The following ABCC12 variants were observed in gnomAD, a reference collection of about 807,000 sequenced individuals.
The protein encoded by ABCC12 is ATP-binding cassette sub-family C member 12.
Under a neutral mutation model 151.1 loss-of-function variants are expected in ABCC12, and 142 were observed. The observed-to-expected ratio is 0.94, with a 90% CI of 0.82 to 1.08. The LOEUF (loss-of-function observed/expected upper bound fraction) is 1.08, where lower values mean the gene tolerates loss of function less well. Among genes scored for constraint, ABCC12 ranks in the 50% least tolerant of loss-of-function variants. ABCC12 has a pLI of 0.00. For missense variants in ABCC12, 1,638 were observed against 1,691.1 expected (o/e 0.97, Z 0.55); for synonymous variants, 645 against 646.4 (o/e 1.00, Z 0.03).
chr16:48,084,025 T>C lies in ABCC12; in HGVS notation c.3877A>G (p.Thr1293Ala). 1.2e-6 allele frequency: 2 copies of C among 1,612,524 alleles called. No homozygotes were observed. The highest frequency in any genetic ancestry group is 1.7e-6 in the Non-Finnish European group (2 of 1,179,654). The change falls in exon 30 of 31, where the codon ACC (threonine) becomes GCC (alanine). Residue 1293 changes from threonine to alanine, a missense_variant. Physicochemically the swap from Thr to Ala is moderately conservative, Grantham distance 58. Coordinates refer to ENST00000311303, the MANE Select transcript of ABCC12 (RefSeq NM_001393797.1). ...ATASMDSKTD[T>A]LVQNTIKDAF... ...TCTTTGATGGTGTTCTGAACCAGGG[T>C]GTCAGTCTTGGAGTCCATAGAGGCG...
intron 8 of ABCC12, among the ~76,000 whole-genome samples, chr16:48,134,379 T>C (rs894510709): frequency 4.5e-4 from 69 of 152,314 alleles, no homozygotes; most frequent in African/African-American, 1.6e-3. Flanking sequence ...AATGAGTAAC[T>C]TGATAAGCAA....
intron 24 of ABCC12, among the ~76,000 whole-genome samples, chr16:48,091,879 G>C (rs929028749): frequency 6.6e-6 from 1 of 152,164 alleles, no homozygotes; most frequent in Non-Finnish European, 1.5e-5. Context: ...TTGGAGAGAG[G>C]ATCTTTGCAG....
chr16:48,085,523 G>T, intron 29 of ABCC12, 70 bp downstream of exon 29: 1 of 1,334,554 alleles, frequency 7.5e-7, no homozygotes, highest in Non-Finnish European at 1.1e-6. Flanking sequence ...ACGTGGCTCT[G>T]CCTCCTGGAT....
At chr16:48,096,623 G>T in intron 24 of ABCC12, 123 bp downstream of exon 24, 1 of 1,001,026 alleles carries the variant, frequency 1.0e-6, no homozygotes, top group Non-Finnish European at 1.5e-6. Flanking sequence ...GAGCCACTAA[G>T]CTCCCTTTCT....
chr16:48,115,561 G>A lies in ABCC12; in HGVS notation c.1843C>T (p.Arg615Cys), dbSNP rs146005796. Residue 615 changes from arginine to cysteine, a missense_variant, in exon 15 of 31, where the codon CGC becomes TGC. Arg to Cys is a radical substitution (Grantham distance 180). Transcript: ENST00000311303. ...GGQRQRISLA[R>C]AVYSDRQLYL... ...AGCTGACGGTCGGAGTAGACAGCGC[G>A]GGCCAGGCTAATCCTCTGCCTCTGC... The A allele has an allele frequency of 5.8e-5, 93 of 1,614,046 alleles. No homozygotes were observed. The highest frequency in any genetic ancestry group is 7.0e-5 in the Non-Finnish European group (83 of 1,180,014).
chr16:48,098,686 T>C (rs1253927666), intron 23 of ABCC12, among the ~76,000 whole-genome samples: 1 of 152,228 alleles, frequency 6.6e-6, no homozygotes, highest in Non-Finnish European at 1.5e-5. Flanking sequence ...CTAGCTGGGA[T>C]CAAATTGGAA....
intron 9 of ABCC12, 51 bp downstream of exon 9, chr16:48,133,636 A>T: frequency 6.3e-7 from 1 of 1,596,962 alleles, no homozygotes; most frequent in Non-Finnish European, 8.5e-7. Flanking sequence ...CCCACCTGGG[A>T]CTTGCCGGGG....
intron 20 of ABCC12, 47 bp from the exon 21 acceptor site, chr16:48,105,383 CAGG>C (rs1453051130): frequency 1.3e-6 from 2 of 1,524,318 alleles, no homozygotes; most frequent in Admixed American, 2.0e-5. Flanking sequence ...AAATTCCTGC[CAGG>C]AGAACAGGAA....
intron 3 of ABCC12, among the ~76,000 whole-genome samples, chr16:48,145,890 T>C (rs1423049033): frequency 6.6e-6 from 1 of 152,210 alleles, no homozygotes; most frequent in Non-Finnish European, 1.5e-5. Context: ...GAGTGGCAAT[T>C]GTTTTAAGCT....
chr16:48,141,421 G>A, intron 4 of ABCC12, 68 bp from the exon 5 acceptor site: 1 of 1,584,552 alleles, frequency 6.3e-7, no homozygotes, highest in South Asian at 1.1e-5. Flanking sequence ...CTACGCTGTT[G>A]GGCATGCTCT....
chr16:48,133,607 G>GCGA (rs1964504745), intron 9 of ABCC12, 80 bp downstream of exon 9: 1 of 1,526,828 alleles, frequency 6.5e-7, no homozygotes, highest in Non-Finnish European at 8.9e-7. Flanking sequence ...CCAGTATTGA[G>GCGA]CGACGGTAGG....
intron 12 of ABCC12, among the ~76,000 whole-genome samples, chr16:48,122,654 G>A (rs1964111125): frequency 2.6e-5 from 4 of 152,152 alleles, no homozygotes; most frequent in South Asian, 2.1e-4. Flanking sequence ...TCACCAAGGC[G>A]GCCGAAGGAT....
intron 1 of ABCC12, 162 bp downstream of exon 1, chr16:48,155,679 C>T (rs1567461005): frequency 6.6e-6 from 1 of 152,216 alleles, no homozygotes; most frequent in Non-Finnish European, 1.5e-5. Flanking sequence ...CTGCTGCCTC[C>T]CACTTGGGCA....
At position 48,085,684 on chromosome 16, in the gene ABCC12, A is replaced by G. The variant is rs774136629; in HGVS notation, c.3737T>C (p.Leu1246Ser). The change falls in exon 29 of 31, where the codon TTA becomes TCA. Residue 1246 changes from leucine to serine, a missense_variant. Transcript: ENST00000311303. ...RDTIMKLPEKLQAEVTENGEN... is the reference protein window; with the variant it reads ...RDTIMKLPEKSQAEVTENGEN... The stretch of plus-strand genomic sequence containing the variant: ...TCCATTTTCTGTGACTTCTGCCTGT[A>G]ATTTTTCTGGGAGTTTCATTATCTA... 8 of 1,614,082 alleles carry G rather than the reference A, an allele frequency of 5.0e-6. No homozygotes were observed. In the South Asian group the frequency reaches 5.5e-5, roughly 11 times the overall value.
rs1485154981 is a variant in ABCC12, at chr16:48,105,237, T to C, written c.2575A>G (p.Met859Val). 6.2e-7 allele frequency: 1 copy of C among 1,614,160 alleles called. No homozygotes were observed. The highest frequency in any genetic ancestry group is 1.1e-5 in the South Asian group (1 of 91,078). Residue 859 changes from methionine (M) to valine (V), a missense_variant, in exon 21 of 31, where the codon ATG (methionine) becomes GTG (valine). Transcript: ENST00000311303. ...HVYQWVYTAS[M>V]VFMLVFGVTK... ...ACGCCAAACACCAGCATGAACACCA[T>C]GCTTGCAGTGTACACCCACTGGTAC...
chr16:48,115,432 C>A lies in ABCC12; in HGVS notation c.1972G>T (p.Val658Leu). 1 of 1,614,018 alleles carries A rather than the reference C, an allele frequency of 6.2e-7. No individual in the cohort carries two copies. Among genetic ancestry groups the A allele is most frequent in the Non-Finnish European group, 8.5e-7 (1 of 1,179,920 alleles). The change falls in exon 15 of 31, where the codon GTG becomes TTG. Residue 658 changes from valine (V) to leucine (L), a missense_variant. Transcript: ENST00000311303. ...CCCATCACCTGTAGCTGGTGGGTCA[C>A]CAGGACGACTGTCTTTCCCCTGAGC... The part of the protein sequence containing the change: ...KTLRGKTVVL[V>L]THQLQFLESC...
chr16:48,128,043 CAGGAGTTTG>C (rs2150649623), intron 11 of ABCC12, among the ~76,000 whole-genome samples: 1 of 152,250 alleles, frequency 6.6e-6, no homozygotes, highest in Non-Finnish European at 1.5e-5. Flanking sequence ...CACTTGAGCC[CAGGAGTTTG>C]AGGCCGCAGT....
intron 7 of ABCC12, 78 bp downstream of exon 7, chr16:48,139,085 G>A (rs1186753298): frequency 4.1e-6 from 6 of 1,459,062 alleles, no homozygotes; most frequent in Non-Finnish European, 4.6e-6. Flanking sequence ...CGCCAGAAAT[G>A]CAGCCTTCCA....
chr16:48,108,873 A>C (rs1366805736), intron 18 of ABCC12, among the ~76,000 whole-genome samples: 1 of 152,158 alleles, frequency 6.6e-6, no homozygotes, highest in African/African-American at 2.4e-5. Flanking sequence ...TTGGGAGCTA[A>C]AGGGAGTAAG....
Sources: gnomAD v4.1 joint callset for allele counts (sites outside exome capture counted in the v4.1 genomes callset) on GRCh38, gnomAD v4.1.1 for gene constraint, MANE v1.5 for transcripts, NCBI Gene and HGNC (gene_info 2026-07-23, HGNC 2026-07-21) for gene names.